MAPKAP1: variants seen among roughly 807,000 people sequenced by gnomAD.
MAPKAP1 encodes the protein MAPK associated protein 1.
MAPKAP1 carries 20 observed loss-of-function variants against 65.7 expected under a neutral mutation model. That is an observed-to-expected ratio of 0.30 (90% confidence interval 0.21 to 0.44). MAPKAP1 has a LOEUF of 0.44. Ranked by LOEUF, MAPKAP1 falls within the 20% of genes least tolerant of loss-of-function variation. The pLI is 1.00. For missense variants in MAPKAP1, 423 were observed against 648.0 expected (o/e 0.65, Z 3.77); for synonymous variants, 222 against 244.3 (o/e 0.91, Z 0.85).
chr9:125,681,197 C>A (rs1346481648), intron 1 of MAPKAP1, among the ~76,000 whole-genome samples: 1 of 152,224 alleles, frequency 6.6e-6, no homozygotes, highest in Non-Finnish European at 1.5e-5. Context: ...TCTATTTCCT[C>A]ATCCTTGAAT....
At chr9:125,612,099 G>T (rs936170649) in intron 4 of MAPKAP1, among the ~76,000 whole-genome samples, 2 of 152,074 alleles carry the variant, frequency 1.3e-5, no homozygotes, top group Non-Finnish European at 2.9e-5. Context: ...CAAAGGAAAT[G>T]CTTGTTTCTA....
At position 125,490,547 on chromosome 9, in the gene MAPKAP1, A is replaced by T. The variant is rs1164506843; in HGVS notation, c.1067-5964T>A. On this transcript the variant is annotated intron_variant, in intron 8 of 11. Transcript: ENST00000265960. ...AGAACGAAACTCTGTCTCAAAAAAC[A>T]AAACAAAACAAAACAAACCAACAAA... Among the ~76,000 whole-genome samples the T allele has an allele frequency of 2.6e-5, 4 of 152,292 alleles. No individual in the cohort carries two copies. In the East Asian group the frequency reaches 7.7e-4, roughly 29 times the overall value.
intron 4 of MAPKAP1, among the ~76,000 whole-genome samples, chr9:125,589,894 G>C (rs1280901677): frequency 6.6e-6 from 1 of 152,174 alleles, no homozygotes; most frequent in Non-Finnish European, 1.5e-5. Context: ...ACATTCCCTT[G>C]TGTGGTTTTC....
intron 4 of MAPKAP1, chr9:125,600,019 C>T (rs1170438902): frequency 6.6e-6 from 1 of 152,186 alleles, no homozygotes; most frequent in Non-Finnish European, 1.5e-5. Context: ...AAAACAAACC[C>T]TCTATATTTT....
chr9:125,652,302 C>A, intron 4 of MAPKAP1: 1 of 1,150,182 alleles, frequency 8.7e-7, no homozygotes, highest in South Asian at 1.9e-5. Context: ...GGACTATCAT[C>A]CCAAAATGCT....
In MAPKAP1 at chr9:125,657,735, C is replaced by T. The variant is rs748989527; in HGVS notation, c.414G>A (p.Lys138=). The T allele has an allele frequency of 6.2e-7, 1 of 1,613,932 alleles. No individual in the cohort carries two copies. Among genetic ancestry groups the T allele is most frequent in the South Asian group, 1.1e-5 (1 of 91,070 alleles). ...SLKEKPPISG[K]QSILSVRLEQ... Reference sequence around the variant, plus strand: ...CTAGGCGTACAGATAATATCGACTGCTTCCCAGAAATTGGAGGCTTCTCTT... The same window carrying T: ...CTAGGCGTACAGATAATATCGACTGTTTCCCAGAAATTGGAGGCTTCTCTT... The change falls in exon 4 of 12, where the codon AAG becomes AAA. Residue 138 remains lysine (K), a synonymous_variant. Transcript: ENST00000265960.
At chr9:125,685,129 A>G (rs1466299402) in intron 1 of MAPKAP1, among the ~76,000 whole-genome samples, 2 of 152,264 alleles carry the variant, frequency 1.3e-5, no homozygotes, top group African/African-American at 4.8e-5. Flanking sequence ...GCACTGTTCT[A>G]GATGCAGAAA....
intron 11 of MAPKAP1, among the ~76,000 whole-genome samples, chr9:125,442,192 G>A (rs770696923): frequency 4.0e-5 from 6 of 148,630 alleles, no homozygotes; most frequent in Non-Finnish European, 7.4e-5. Context: ...TCTTCCATCA[G>A]GCTCATGATC....
intron 6 of MAPKAP1, among the ~76,000 whole-genome samples, chr9:125,544,987 A>C (rs1261870376): frequency 6.6e-6 from 1 of 152,178 alleles, no homozygotes; most frequent in Non-Finnish European, 1.5e-5. Context: ...TTGCTGTTTA[A>C]TCCTTGACAT....
intron 5 of MAPKAP1, among the ~76,000 whole-genome samples, chr9:125,565,206 T>TA (rs1831013090): frequency 6.6e-6 from 1 of 152,226 alleles, no homozygotes; most frequent in African/African-American, 2.4e-5. Context: ...TTGAATTGTT[T>TA]AACCAATATT....
chr9:125,681,535 T>C (rs1281635011), intron 1 of MAPKAP1, among the ~76,000 whole-genome samples: 1 of 152,152 alleles, frequency 6.6e-6, no homozygotes, highest in East Asian at 1.9e-4. Flanking sequence ...TTTTCTTGTC[T>C]TATGCCACTA....
At chr9:125,657,287 C>T (rs1406813455) in intron 4 of MAPKAP1, among the ~76,000 whole-genome samples, 1 of 151,968 alleles carries the variant, frequency 6.6e-6, no homozygotes, top group East Asian at 1.9e-4. Flanking sequence ...CTTCCTCCCC[C>T]TCCCCTTTCT....
chr9:125,543,253 T>A (rs1408434112), intron 6 of MAPKAP1, 85 bp from the exon 7 acceptor site: 2 of 990,688 alleles, frequency 2.0e-6, no homozygotes, highest in East Asian at 4.8e-5. Flanking sequence ...TAAGCAAGTT[T>A]TTTTTGTTGT....
At chr9:125,558,414 A>G (rs1329525664) in intron 6 of MAPKAP1, among the ~76,000 whole-genome samples, 1 of 152,116 alleles carries the variant, frequency 6.6e-6, no homozygotes, top group Non-Finnish European at 1.5e-5. Context: ...GCCACCATGA[A>G]AGCCTGAGGG....
chr9:125,491,015 G>A (rs1854690762), intron 8 of MAPKAP1, among the ~76,000 whole-genome samples: 1 of 151,934 alleles, frequency 6.6e-6, no homozygotes, highest in South Asian at 2.1e-4. Flanking sequence ...GGGCATGCCT[G>A]TAATCTCAGC....
chr9:125,590,041 C>T (rs1441965812), intron 4 of MAPKAP1, among the ~76,000 whole-genome samples: 1 of 152,146 alleles, frequency 6.6e-6, no homozygotes, highest in Admixed American at 6.5e-5. Flanking sequence ...CTCATATTAC[C>T]CTCCTTTTCA....
At chr9:125,577,427 G>A (rs1432483567) in intron 5 of MAPKAP1, among the ~76,000 whole-genome samples, 3 of 146,734 alleles carry the variant, frequency 2.0e-5, no homozygotes, top group African/African-American at 5.0e-5. Flanking sequence ...CCCCGTCCGG[G>A]AGGGAGGTGG....
chr9:125,635,918 A>ATTT (rs1833410626), intron 4 of MAPKAP1, among the ~76,000 whole-genome samples: 1 of 152,236 alleles, frequency 6.6e-6, no homozygotes, highest in African/African-American at 2.4e-5. Context: ...AGTTTTCACT[A>ATTT]AATTAAACTA....
intron 9 of MAPKAP1, among the ~76,000 whole-genome samples, chr9:125,477,561 C>CTCTGCATATAAGAGGTGT (rs1854156841): frequency 6.6e-6 from 1 of 152,180 alleles, no homozygotes; most frequent in Non-Finnish European, 1.5e-5. Context: ...CCCCGAGGTG[C>CTCTGCATATAAGAGGTGT]TCTGCATATA....
Sources: allele counts gnomAD v4.1 joint callset (sites outside exome capture counted in the v4.1 genomes callset), GRCh38; gene constraint gnomAD v4.1.1; transcripts MANE v1.5; gene names NCBI Gene and HGNC (gene_info 2026-07-23, HGNC 2026-07-21).